Variants in SMC5 observed in about 807,000 individuals in gnomAD.
SMC5 encodes structural maintenance of chromosomes 5.
Under a neutral mutation model 148.3 loss-of-function variants are expected in SMC5, and 88 were observed. The ratio of observed to expected loss-of-function variants is 0.59; its 90% CI spans 0.50 to 0.71. The LOEUF is 0.71. SMC5 is among the 30% of genes least tolerant of loss of function. The probability of loss-of-function intolerance (pLI) is 0.00; values close to 1 mark genes in which losing one functional copy is unlikely to be tolerated. For synonymous variants in SMC5, 421 were observed against 432.8 expected, an observed-to-expected ratio of 0.97 and a Z score of 0.34; for missense variants, 1,142 against 1,298.9, an observed-to-expected ratio of 0.88 and a Z score of 1.86.
At chr9:70,298,595 C>CT (rs1407554176) in intron 9 of SMC5, among the ~76,000 whole-genome samples, 2 of 151,830 alleles carry the variant, frequency 1.3e-5, no homozygotes, top group Non-Finnish European at 2.9e-5. Context: ...CTTTGGTTTT[C>CT]TTTTTTTGTA....
chr9:70,269,259 C>T (rs923367174), intron 3 of SMC5, among the ~76,000 whole-genome samples: 7 of 151,998 alleles, frequency 4.6e-5, no homozygotes, highest in Admixed American at 1.3e-4. Context: ...GTGCGTGATA[C>T]GTTCCTAGAA....
intron 17 of SMC5, among the ~76,000 whole-genome samples, chr9:70,332,719 T>C (rs933905013): frequency 6.6e-6 from 1 of 152,080 alleles, no homozygotes; most frequent in Non-Finnish European, 1.5e-5. Context: ...AATCCAACAA[T>C]ATATAAAAAG....
chr9:70,322,081 A>C (rs1349215234), intron 15 of SMC5, among the ~76,000 whole-genome samples: 2 of 152,200 alleles, frequency 1.3e-5, no homozygotes, highest in East Asian at 3.8e-4. Flanking sequence ...TATTAGGAAG[A>C]TTTGTTCTTT....
intron 19 of SMC5, 29 bp downstream of exon 19, chr9:70,346,678 G>A: frequency 1.2e-6 from 2 of 1,612,600 alleles, no homozygotes; most frequent in South Asian, 2.2e-5. Flanking sequence ...TTTTTCCCAA[G>A]CTCCTGTTTT....
chr9:70,347,034 G>A (rs982061081), intron 19 of SMC5, 32 bp from the exon 20 acceptor site: 4 of 1,495,662 alleles, frequency 2.7e-6, no homozygotes, highest in Non-Finnish European at 3.7e-6. Flanking sequence ...TGTTTTCATT[G>A]TATCTATAAT....
Position 70,332,801 on chromosome 9 carries a change from A to G in SMC5, c.2397+8658A>G, listed in dbSNP as rs534011557. Among the ~76,000 whole-genome samples the G allele has an allele frequency of 3.9e-5, 6 of 152,310 alleles. 1 individual carries two copies. In the East Asian group the frequency reaches 1.2e-3, roughly 29 times the overall value. On this transcript the variant is annotated intron_variant, in intron 17 of 24. Coordinates refer to ENST00000361138, the MANE Select transcript of SMC5 (RefSeq NM_015110.4). ...GTTTAATATTTGGATATTCATCAAT[A>G]TAATTCAGCATATTAACAGACCGAA...
intron 12 of SMC5, 127 bp from the exon 13 acceptor site, chr9:70,315,319 A>T: frequency 1.9e-6 from 1 of 534,346 alleles, no homozygotes; most frequent in Non-Finnish European, 3.0e-6. Context: ...AAAAGAAAAA[A>T]GACTTGTCCT....
chr9:70,264,023 T>C (rs1282718096), intron 1 of SMC5, among the ~76,000 whole-genome samples: 1 of 152,228 alleles, frequency 6.6e-6, no homozygotes, highest in Non-Finnish European at 1.5e-5. Flanking sequence ...GTGTCCAGTG[T>C]TTTGTAATTA....
rs1238882213 is a variant in SMC5, at chr9:70,259,028, G to C, written c.-51G>C. 3 of 1,530,180 alleles carry C rather than the reference G, an allele frequency of 2.0e-6. No individual in the cohort carries two copies. In the South Asian group the frequency reaches 3.7e-5, roughly 19 times the overall value. 94.8% of individuals were successfully genotyped at this position (1,530,180 alleles called of 1,614,324 possible). On this transcript the variant is annotated 5_prime_UTR_variant, in exon 1 of 25. Transcript: ENST00000361138. ...GGTGGATGGGCGCTTGGGCGCCTGGGCTGCCGGACGGTGGGAACGGAAGTC... is the reference window on the plus strand; with the variant it reads ...GGTGGATGGGCGCTTGGGCGCCTGGCCTGCCGGACGGTGGGAACGGAAGTC...
At chr9:70,281,026 C>A in intron 6 of SMC5, 127 bp downstream of exon 6, 9 of 954,774 alleles carry the variant, frequency 9.4e-6, no homozygotes, top group Non-Finnish European at 1.4e-5. Flanking sequence ...ATATGTTATA[C>A]ATAATAAAAT....
intron 17 of SMC5, among the ~76,000 whole-genome samples, chr9:70,342,315 A>G (rs911425368): frequency 1.3e-5 from 2 of 151,342 alleles, no homozygotes; most frequent in Non-Finnish European, 2.9e-5. Flanking sequence ...GGTGCAGCAC[A>G]CCAGCATGGC....
Position 70,305,289 on chromosome 9 carries a change from C to A in SMC5, c.1507C>A (p.His503Asn), listed in dbSNP as rs1254818835. 1.3e-6 allele frequency: 2 copies of A among 1,598,832 alleles called. No homozygotes were observed. The highest frequency in any genetic ancestry group is 1.7e-6 in the Non-Finnish European group (2 of 1,169,890). ...DNKNAKYIEN[H>N]IPSNDLRAFV... Reference sequence around the variant, plus strand: ...TAAAAATGCCAAATATATTGAAAATCATATTCCATCAAATGACTTAAGAGC... The same window carrying A: ...TAAAAATGCCAAATATATTGAAAATAATATTCCATCAAATGACTTAAGAGC... The change falls in exon 11 of 25, where the codon CAT (histidine) becomes AAT (asparagine). Residue 503 changes from histidine (H) to asparagine (N), a missense_variant. Transcript: ENST00000361138.
chr9:70,314,013 C>A (rs2035729291), intron 11 of SMC5, among the ~76,000 whole-genome samples: 1 of 152,182 alleles, frequency 6.6e-6, no homozygotes, highest in African/African-American at 2.4e-5. Flanking sequence ...TTGTTGCTTT[C>A]CTCCAATCCC....
At chr9:70,331,228 C>G (rs2036209672) in intron 17 of SMC5, among the ~76,000 whole-genome samples, 1 of 152,070 alleles carries the variant, frequency 6.6e-6, no homozygotes, top group Non-Finnish European at 1.5e-5. Flanking sequence ...CATTTTAGTG[C>G]TTTATAGCCA....
chr9:70,265,276 T>C (rs1020155229), intron 2 of SMC5, among the ~76,000 whole-genome samples: 2 of 152,088 alleles, frequency 1.3e-5, no homozygotes, highest in South Asian at 2.1e-4. Context: ...CTGGTCAACA[T>C]GGTGAAACCC....
intron 10 of SMC5, among the ~76,000 whole-genome samples, chr9:70,300,608 A>G (rs1005639298): frequency 6.6e-6 from 1 of 152,184 alleles, no homozygotes; most frequent in Non-Finnish European, 1.5e-5. Flanking sequence ...CCTGCTACAA[A>G]GAACGGGCAT....
intron 3 of SMC5, among the ~76,000 whole-genome samples, chr9:70,272,262 A>G (rs1211756157): frequency 6.6e-6 from 1 of 152,230 alleles, no homozygotes; most frequent in Middle Eastern, 3.2e-3. Flanking sequence ...AGCAGATCAT[A>G]CATCATTGAA....
intron 17 of SMC5, among the ~76,000 whole-genome samples, chr9:70,340,535 T>G (rs1389289696): frequency 6.6e-6 from 1 of 151,948 alleles, no homozygotes. Context: ...GGTTAACATT[T>G]GAATTTGAAA....
intron 17 of SMC5, among the ~76,000 whole-genome samples, chr9:70,329,294 C>T (rs1564063685): frequency 6.6e-6 from 1 of 152,206 alleles, no homozygotes; most frequent in African/African-American, 2.4e-5. Flanking sequence ...CTTTCATGCT[C>T]TGCTTTCCTT....
Sources: allele counts gnomAD v4.1 joint callset (sites outside exome capture counted in the v4.1 genomes callset), GRCh38; gene constraint gnomAD v4.1.1; transcripts MANE v1.5; gene names NCBI Gene and HGNC (gene_info 2026-07-23, HGNC 2026-07-21).